DUS1L: variants seen among roughly 807,000 people sequenced by gnomAD.
DUS1L encodes the protein tRNA-dihydrouridine(16/17) synthase [NAD(P)(+)]-like.
Under a neutral mutation model 61.2 loss-of-function variants are expected in DUS1L, and 56 were observed. That is an observed-to-expected ratio of 0.92 (90% CI 0.74 to 1.14). The LOEUF is 1.14. Among genes scored for constraint, DUS1L ranks in the 50% most tolerant of loss-of-function variants. The pLI is 0.00. For synonymous variants in DUS1L, 278 were observed against 259.5 expected (o/e 1.07, Z -0.69); for missense variants, 630 against 632.4 (o/e 1.00, Z 0.04).
chr17:82,062,782 C>T, intron 5 of DUS1L, 79 bp downstream of exon 5: 1 of 1,308,830 alleles, frequency 7.6e-7, no homozygotes, highest in Non-Finnish European at 1.1e-6. Flanking sequence ...GGTGTCTGGA[C>T]ACAGGAAGAG....
intron 12 of DUS1L, 148 bp from the exon 13 acceptor site, chr17:82,058,564 C>CT (rs2033209617): frequency 6.9e-7 from 1 of 1,449,016 alleles, no homozygotes; most frequent in African/African-American, 1.4e-5. Context: ...CCAGATGCCT[C>CT]TCCCTCACCC....
chr17:82,063,404 C>T, intron 4 of DUS1L, 64 bp downstream of exon 4: 1 of 1,608,662 alleles, frequency 6.2e-7, no homozygotes, highest in Non-Finnish European at 8.5e-7. Context: ...ACCAAGTGGA[C>T]AGTGCCCATG....
rs2033584989 is a variant in DUS1L at position 82,062,998 on chromosome 17, G to C, written c.398-25C>G. ...ACTGGGGAGAAGAGAGGCAGCTTCT[G>C]AGGGGGCCATGGTGTTCCCACTTTA... On this transcript the variant is annotated intron_variant, in intron 4 of 13. Coordinates refer to ENST00000306796, the MANE Select transcript of DUS1L (RefSeq NM_022156.5). 3.2e-6 allele frequency: 5 copies of C among 1,586,310 alleles called. No individual in the cohort carries two copies. In the South Asian group the frequency reaches 4.4e-5, roughly 14 times the overall value.
Position 82,064,891 on chromosome 17 carries a change from C to A in DUS1L, c.169G>T (p.Asp57Tyr). Reference sequence around the variant, plus strand: ...AGGTTCTCCTTCCGGTAGTTGGCGTCGCGGACAAAGACCTGGGCATGCAGC... The same window carrying A: ...AGGTTCTCCTTCCGGTAGTTGGCGTAGCGGACAAAGACCTGGGCATGCAGC... The part of the protein sequence containing the change: ...PMLHAQVFVR[D>Y]ANYRKENLYC... The change falls in exon 2 of 14, where the codon GAC becomes TAC. Residue 57 changes from aspartate to tyrosine, a missense_variant. Coordinates refer to ENST00000306796, the MANE Select transcript of DUS1L (RefSeq NM_022156.5). 6.2e-7 allele frequency: 1 copy of A among 1,612,718 alleles called. No homozygotes were observed. Among genetic ancestry groups the A allele is most frequent in the Non-Finnish European group, 8.5e-7 (1 of 1,179,872 alleles).
In DUS1L at chr17:82,064,251, A is replaced by C. The variant is rs2033653785; in HGVS notation, c.238-17T>G. ...GGCACAGAACTGGAGAAGATGCAGG[A>C]GTCAGCCACGGGCCCAGCCAGGCCC... On this transcript the variant is annotated splice_polypyrimidine_tract_variant and intron_variant, in intron 2 of 13. Coordinates refer to ENST00000306796, the MANE Select transcript of DUS1L (RefSeq NM_022156.5). The C allele has an allele frequency of 1.9e-6, 3 of 1,606,166 alleles. No individual in the cohort carries two copies. Among genetic ancestry groups the C allele is most frequent in the Middle Eastern group, 1.7e-4 (1 of 6,052 alleles).
In DUS1L at chr17:82,060,006, C is replaced by T; in HGVS notation, c.1110G>A (p.Lys370=). The T allele has an allele frequency of 3.1e-6, 5 of 1,613,938 alleles. No homozygotes were observed. The highest frequency in any genetic ancestry group is 4.2e-6 in the Non-Finnish European group (5 of 1,179,988). ...EEEGGTEVLS[K]NKQKKQLRNP... ...TCCTCAGCTGCTTCTTTTGCTTGTT[C>T]TTGGACAGGACCTCCGTGCCACCCT... Residue 370 remains lysine (K), a synonymous_variant, in exon 11 of 14, where the codon AAG becomes AAA. Transcript: ENST00000306796.
chr17:82,060,817 G>A, intron 9 of DUS1L, 34 bp from the exon 10 acceptor site: 1 of 1,611,508 alleles, frequency 6.2e-7, no homozygotes, highest in Non-Finnish European at 8.5e-7. Flanking sequence ...CATGGCCCCA[G>A]CCCCTCACCC....
intron 11 of DUS1L, chr17:82,059,535 A>C (rs922117302): frequency 1.3e-4 from 23 of 180,020 alleles, no homozygotes; most frequent in African/African-American, 5.3e-4. Flanking sequence ...GAGAGGGGCG[A>C]GCAGCCTCGT....
rs551617621 is a variant in DUS1L at position 82,061,789 on chromosome 17, C to T, written c.594-68G>A. On this transcript the variant is annotated intron_variant, in intron 6 of 13. Coordinates refer to ENST00000306796, the MANE Select transcript of DUS1L (RefSeq NM_022156.5). The stretch of plus-strand genomic sequence containing the variant: ...ACCCAGGTGATGCTGCCCCCAGCCA[C>T]GGCCCCCTGGGTGGTCACGGGCGTC... The T allele has an allele frequency of 5.1e-5, 82 of 1,595,840 alleles. No homozygotes were observed. In the African/African-American group the frequency reaches 7.4e-4, roughly 14 times the overall value.
In DUS1L at chr17:82,060,713, T is replaced by G. The variant is rs1463537898; in HGVS notation, c.1010A>C (p.Tyr337Ser). The G allele has an allele frequency of 6.2e-7, 1 of 1,612,866 alleles. No homozygotes were observed. ...DLPFHWICQP[Y>S]IRPGPREGSK... ...GCTGGGCTCTCACCCCGGCCGGATG[T>G]AGGGCTGGCAGATCCAGTGGAAGGG... Residue 337 changes from tyrosine to serine, a missense_variant, in exon 10 of 14, where the codon TAC becomes TCC. By Grantham distance (144) the Tyr-to-Ser change is moderately radical (BLOSUM62 -2). Transcript: ENST00000306796.
Position 82,064,818 on chromosome 17 carries a change from C to T in DUS1L, c.237+5G>A, listed in dbSNP as rs770676682. On this transcript the variant is annotated splice_donor_5th_base_variant and intron_variant, in intron 2 of 13. Coordinates refer to ENST00000306796, the MANE Select transcript of DUS1L (RefSeq NM_022156.5). ...GCGGCCGCGGCCACAGCCCCTCCTG[C>T]GCACCTGCACGATGAGGGGCCGGTC... 1.0e-5 allele frequency: 16 copies of T among 1,603,546 alleles called. No individual in the cohort carries two copies. The highest frequency in any genetic ancestry group is 1.4e-5 in the Non-Finnish European group (16 of 1,175,102).
intron 2 of DUS1L, 93 bp from the exon 3 acceptor site, chr17:82,064,327 G>C: frequency 9.0e-7 from 1 of 1,111,556 alleles, no homozygotes; most frequent in East Asian, 2.5e-5. Context: ...CCCCATGAGG[G>C]TGTGGGCCCA....
Position 82,058,264 on chromosome 17 carries a change from C to A in DUS1L, c.1283-10G>T. On this transcript the variant is annotated splice_polypyrimidine_tract_variant and intron_variant, in intron 13 of 13. Coordinates refer to ENST00000306796, the MANE Select transcript of DUS1L (RefSeq NM_022156.5). ...AAAAGCAATCCGTGACCTGGCAGAG[C>A]GAGTGAGAGGAGTCGGGGGTCAGGA... 6.4e-7 allele frequency: 1 copy of A among 1,568,862 alleles called. No individual in the cohort carries two copies. The highest frequency in any genetic ancestry group is 1.2e-5 in the South Asian group (1 of 86,586).
In DUS1L at chr17:82,060,097, A is replaced by C; in HGVS notation, c.1023-4T>G. 6.2e-7 allele frequency: 1 copy of C among 1,611,528 alleles called. No individual in the cohort carries two copies. Among genetic ancestry groups the C allele is most frequent in the East Asian group, 2.2e-5 (1 of 44,792 alleles). On this transcript the variant is annotated splice_polypyrimidine_tract_variant and splice_region_variant and intron_variant, in intron 10 of 13. Coordinates refer to ENST00000306796, the MANE Select transcript of DUS1L (RefSeq NM_022156.5). ...CTCCTTGCTCCCCTCCCTGGGCCTG[A>C]GGGGAGGGCAGCGGGCAGAGCCCAA...
At chr17:82,064,093 C>T in intron 3 of DUS1L, 33 bp downstream of exon 3, 2 of 1,588,940 alleles carry the variant, frequency 1.3e-6, no homozygotes, top group East Asian at 4.5e-5. Context: ...TGGCCCCTGC[C>T]CCAGGTGCCC....
chr17:82,061,672 G>GA lies in DUS1L; in HGVS notation c.642_643insT (p.Gln215SerfsTer182). 6.2e-7 allele frequency: 1 copy of GA among 1,612,980 alleles called. No homozygotes were observed. Among genetic ancestry groups the GA allele is most frequent in the Non-Finnish European group, 8.5e-7 (1 of 1,179,924 alleles). On this transcript the variant is annotated frameshift_variant, in exon 7 of 14. Transcript: ENST00000306796. LOFTEE classifies it high-confidence loss of function. The stretch of plus-strand genomic sequence containing the variant: ...TCCCGGAGGCAGCGCTCCACGTCCT[G>GA]CAGGCACTGGATGTTCCCGTTAGCA...
chr17:82,061,807 C>A, intron 6 of DUS1L, 86 bp from the exon 7 acceptor site: 1 of 1,593,716 alleles, frequency 6.3e-7, no homozygotes. Context: ...TGGGTGGTCA[C>A]GGGCGTCAGG....
In DUS1L at chr17:82,058,231, T is replaced by C. The variant is rs149720351; in HGVS notation, c.1306A>G (p.Lys436Glu). The C allele has an allele frequency of 6.3e-7, 1 of 1,585,044 alleles. No homozygotes were observed. The highest frequency in any genetic ancestry group is 8.6e-7 in the Non-Finnish European group (1 of 1,160,364). The change falls in exon 14 of 14, where the codon AAA (lysine) becomes GAA (glutamate). Residue 436 changes from lysine (K) to glutamate (E), a missense_variant. Lys to Glu is a moderately conservative substitution (Grantham distance 56). Transcript: ENST00000306796. The stretch of plus-strand genomic sequence containing the variant: ...TTCCAGGCCAGAGACTTCTCCAATT[T>C]GGTTTTAAAAAGCAATCCGTGACCT... ...CPGHGLLFKT[K>E]LEKSLAWKEA...
intron 12 of DUS1L, 31 bp from the exon 13 acceptor site, chr17:82,058,447 C>T: frequency 6.7e-7 from 1 of 1,483,160 alleles, no homozygotes. Context: ...GAGCCTGTGG[C>T]CAGCACCACT....
Sources: allele counts gnomAD v4.1 joint callset, GRCh38; gene constraint gnomAD v4.1.1; transcripts MANE v1.5; gene names NCBI Gene and HGNC (gene_info 2026-07-23, HGNC 2026-07-21).